The following PALS2 variants were observed in gnomAD, a reference collection of about 807,000 sequenced individuals.
PALS2 encodes the protein protein PALS2.
PALS2 carries 27 observed loss-of-function variants against 61.6 expected under a neutral mutation model. The ratio of observed to expected loss-of-function variants is 0.44; its 90% CI spans 0.32 to 0.60. The LOEUF (loss-of-function observed/expected upper bound fraction) is 0.60, where lower values mean the gene tolerates loss of function less well. Among genes scored for constraint, PALS2 ranks in the 20% least tolerant of loss-of-function variants. The probability of loss-of-function intolerance (pLI) is 0.05; values close to 1 mark genes in which losing one functional copy is unlikely to be tolerated. For missense variants in PALS2, 554 were observed against 639.4 expected, an observed-to-expected ratio of 0.87 and a Z score of 1.44; for synonymous variants, 236 against 218.6, an observed-to-expected ratio of 1.08 and a Z score of -0.70.
chr7:24,585,469 C>G (rs1783027009), intron 1 of PALS2, among the ~76,000 whole-genome samples: 2 of 152,180 alleles, frequency 1.3e-5, no homozygotes, highest in South Asian at 4.2e-4. Context: ...CTAGAGATAG[C>G]ATAACTTGGA....
At chr7:24,625,817 A>G (rs1784716275) in intron 2 of PALS2, among the ~76,000 whole-genome samples, 1 of 152,212 alleles carries the variant, frequency 6.6e-6, no homozygotes, top group South Asian at 2.1e-4. Context: ...ATTCAGGCAG[A>G]TTCTTAATAA....
chr7:24,647,116 G>T (rs893473657), intron 3 of PALS2, among the ~76,000 whole-genome samples: 71 of 146,752 alleles, frequency 4.8e-4, no homozygotes, highest in African/African-American at 7.2e-4. Flanking sequence ...CTGATTTTTT[G>T]TTGTTGTTGT....
At chr7:24,680,954 AAATT>A (rs1456666372) in intron 11 of PALS2, among the ~76,000 whole-genome samples, 1 of 152,236 alleles carries the variant, frequency 6.6e-6, no homozygotes, top group African/African-American at 2.4e-5. Context: ...TACAGAATGA[AAATT>A]AATTAGATGT....
intron 3 of PALS2, among the ~76,000 whole-genome samples, chr7:24,649,009 C>T (rs1030062499): frequency 1.3e-5 from 2 of 151,598 alleles, no homozygotes; most frequent in Non-Finnish European, 2.9e-5. Flanking sequence ...ACGTTATATT[C>T]GGGACTATTA....
At chr7:24,649,826 C>G (rs1786046548) in intron 4 of PALS2, 62 bp downstream of exon 4, 2 of 1,385,158 alleles carry the variant, frequency 1.4e-6, no homozygotes, top group Admixed American at 4.9e-5. Context: ...GTGGTTCAGT[C>G]ACTACTCTGT....
At chr7:24,583,560 C>A (rs1782931475) in intron 1 of PALS2, among the ~76,000 whole-genome samples, 4 of 151,822 alleles carry the variant, frequency 2.6e-5, no homozygotes, top group African/African-American at 9.7e-5. Context: ...ATAAGGTCCC[C>A]TGCCCCCAAA....
chr7:24,665,716 G>A, intron 7 of PALS2, 29 bp downstream of exon 7: 1 of 1,580,606 alleles, frequency 6.3e-7, no homozygotes, highest in Non-Finnish European at 8.7e-7. Context: ...TAAGTAACAA[G>A]CAGTCCTTTG....
chr7:24,593,309 C>G (rs532776126), intron 1 of PALS2, among the ~76,000 whole-genome samples: 1 of 152,120 alleles, frequency 6.6e-6, no homozygotes, highest in Non-Finnish European at 1.5e-5. Flanking sequence ...CAGTGACTTA[C>G]CCACTGAAGT....
intron 1 of PALS2, among the ~76,000 whole-genome samples, chr7:24,602,978 T>C (rs1783772407): frequency 6.6e-6 from 1 of 152,190 alleles, no homozygotes; most frequent in African/African-American, 2.4e-5. Context: ...ACCATGATTG[T>C]AAGTTTCCTG....
At position 24,621,605 on chromosome 7, in the gene PALS2, C is replaced by T. The variant is rs1463614331; in HGVS notation, c.-2-2061C>T. Among the ~76,000 whole-genome samples, 14 of 151,864 alleles carry T rather than the reference C, an allele frequency of 9.2e-5. 1 individual carries two copies. The highest frequency in any genetic ancestry group is 6.6e-4 in the Admixed American group (10 of 15,258). Reference sequence around the variant, plus strand: ...TATTATCCAGAAAGAAGAGAAACTACGAACAGATCTGATTAGAAGAAACAA... The same window carrying T: ...TATTATCCAGAAAGAAGAGAAACTATGAACAGATCTGATTAGAAGAAACAA... On this transcript the variant is annotated intron_variant, in intron 1 of 11. Coordinates refer to ENST00000222644, the MANE Select transcript of PALS2 (RefSeq NM_001303037.2).
At chr7:24,622,140 T>C (rs934701536) in intron 1 of PALS2, among the ~76,000 whole-genome samples, 1 of 152,064 alleles carries the variant, frequency 6.6e-6, no homozygotes, top group Non-Finnish European at 1.5e-5. Flanking sequence ...AAGACTCTTT[T>C]GGCTATTCTG....
chr7:24,585,662 A>G (rs1783036105), intron 1 of PALS2, among the ~76,000 whole-genome samples: 1 of 151,990 alleles, frequency 6.6e-6, no homozygotes, highest in African/African-American at 2.4e-5. Context: ...CTCCTTTCCA[A>G]CACACTGCAA....
At chr7:24,678,327 A>G (rs956466152) in intron 9 of PALS2, among the ~76,000 whole-genome samples, 3 of 152,214 alleles carry the variant, frequency 2.0e-5, no homozygotes, top group African/African-American at 2.4e-5. Flanking sequence ...GACTTGAGCT[A>G]TTCAATCTCA....
rs1258605232 is a variant in PALS2, at chr7:24,688,942, T to C, written c.*1328T>C. Reference sequence around the variant, plus strand: ...GACTCTCGTGCCTCAGCCTCCCAAGTAATTGAGATTACAGTTGGGTGCCAC... The same window carrying C: ...GACTCTCGTGCCTCAGCCTCCCAAGCAATTGAGATTACAGTTGGGTGCCAC... On this transcript the variant is annotated 3_prime_UTR_variant, in exon 12 of 12. Coordinates refer to ENST00000222644, the MANE Select transcript of PALS2 (RefSeq NM_001303037.2). The C allele has an allele frequency of 1.3e-5, 2 of 152,046 alleles. No individual in the cohort carries two copies. The highest frequency in any genetic ancestry group is 2.9e-5 in the Non-Finnish European group (2 of 68,008). The allele number at this position is 152,046 out of a possible 1,614,324, so 9.4% of individuals were successfully genotyped here.
rs184579866 is a variant in PALS2 at position 24,615,577 on chromosome 7, T to C, written c.-2-8089T>C. On this transcript the variant is annotated intron_variant, in intron 1 of 11. Transcript: ENST00000222644. ...ACCTGAACAGACCAACAATGTATGA[T>C]ACGACTGAATCAGTAATAAAAAAAA... is the stretch of plus-strand genomic sequence containing the variant. Among the ~76,000 whole-genome samples the C allele has an allele frequency of 4.5e-3, 687 of 151,852 alleles. 4 individuals are homozygous for C. Among genetic ancestry groups the C allele is most frequent in the African/African-American group, 0.016 (662 of 41,452 alleles).
chr7:24,666,675 A>G (rs1787034205), intron 8 of PALS2, among the ~76,000 whole-genome samples: 2 of 152,190 alleles, frequency 1.3e-5, no homozygotes, highest in Admixed American at 1.3e-4. Flanking sequence ...GTACACATTC[A>G]TGAAAACATC....
chr7:24,596,692 T>A lies in PALS2; in HGVS notation c.-3+23099T>A, dbSNP rs1273342198. ...TAAATTGGCAACAGTGCTATTTATT[T>A]GAGCTCTGTTTAAAAAGGAAAAAAA... On this transcript the variant is annotated intron_variant, in intron 1 of 11. Transcript: ENST00000222644. The surrounding 1 kb of genome is among the most constrained non-coding windows in gnomAD (Gnocchi z 4.5). Among the ~76,000 whole-genome samples, 1 of 152,190 alleles carries A rather than the reference T, an allele frequency of 6.6e-6. No homozygotes were observed. The highest frequency in any genetic ancestry group is 1.5e-5 in the Non-Finnish European group (1 of 68,032).
intron 9 of PALS2, among the ~76,000 whole-genome samples, chr7:24,677,972 A>C (rs1402492418): frequency 6.6e-6 from 1 of 152,162 alleles, no homozygotes; most frequent in Non-Finnish European, 1.5e-5. Context: ...GAAATAGTCA[A>C]AACACTGTCA....
chr7:24,645,585 G>T (rs548770405), intron 3 of PALS2, among the ~76,000 whole-genome samples: 33 of 152,132 alleles, frequency 2.2e-4, no homozygotes, highest in African/African-American at 8.0e-4. Context: ...GCTTAAGATT[G>T]CCTTGGCTAT....
Sources: allele counts gnomAD v4.1 joint callset (sites outside exome capture counted in the v4.1 genomes callset), GRCh38; gene constraint gnomAD v4.1.1; non-coding constraint Gnocchi (gnomAD v3.1); transcripts MANE v1.5; gene names NCBI Gene and HGNC (gene_info 2026-07-23, HGNC 2026-07-21).